CAMK2G: variants seen among roughly 807,000 people sequenced by gnomAD.
CAMK2G encodes the protein calcium/calmodulin dependent protein kinase II gamma, also known as calcium/calmodulin-dependent protein kinase type II subunit gamma.
Under a neutral mutation model 88.7 loss-of-function variants are expected in CAMK2G, and 23 were observed. The ratio of observed to expected loss-of-function variants is 0.26; its 90% CI spans 0.19 to 0.37. The LOEUF (loss-of-function observed/expected upper bound fraction) is 0.37, where lower values mean the gene tolerates loss of function less well. CAMK2G is among the 10% of genes least tolerant of loss of function. CAMK2G has a pLI of 1.00. For missense variants in CAMK2G, 476 were observed against 780.8 expected, an observed-to-expected ratio of 0.61 and a Z score of 4.65; for synonymous variants, 263 against 294.8, an observed-to-expected ratio of 0.89 and a Z score of 1.11.
chr10:73,814,997 G>T lies in CAMK2G; in HGVS notation c.*12+6C>A, dbSNP rs1174912163. On this transcript the variant is annotated splice_donor_region_variant and intron_variant, in intron 22 of 22. Transcript: ENST00000423381. The stretch of plus-strand genomic sequence containing the variant: ...CCAGCCCCTCTCCCCCGTCAACCAG[G>T]TGCACCTGTGGCTGAGCTCACTGCA... 2 of 1,586,324 alleles carry T rather than the reference G, an allele frequency of 1.3e-6. No homozygotes were observed. Among genetic ancestry groups the T allele is most frequent in the Non-Finnish European group, 1.7e-6 (2 of 1,157,020 alleles).
intron 21 of CAMK2G, chr10:73,815,811 T>C: frequency 3.0e-6 from 3 of 985,620 alleles, no homozygotes; most frequent in African/African-American, 1.7e-5. Context: ...GCTCAGGATA[T>C]TCCCAGGATT....
At chr10:73,825,694 G>T (rs183460528) in intron 15 of CAMK2G, among the ~76,000 whole-genome samples, 9 of 152,308 alleles carry the variant, frequency 5.9e-5, no homozygotes, top group Non-Finnish European at 8.8e-5. Flanking sequence ...AGGAAAAAGG[G>T]GGGTAGTTTA....
At chr10:73,838,816 A>G (rs1438546601) in intron 13 of CAMK2G, among the ~76,000 whole-genome samples, 4 of 152,204 alleles carry the variant, frequency 2.6e-5, no homozygotes, top group Non-Finnish European at 1.5e-5. Flanking sequence ...GCTTAAAAAA[A>G]GCGTACTACC....
At chr10:73,852,895 T>G in intron 4 of CAMK2G, 1 of 406,334 alleles carries the variant, frequency 2.5e-6, no homozygotes, top group South Asian at 4.3e-5. Context: ...CTGTCTTTTA[T>G]TTCTTCACTA....
chr10:73,833,602 T>C (rs945196184), intron 14 of CAMK2G, among the ~76,000 whole-genome samples: 10 of 149,728 alleles, frequency 6.7e-5, no homozygotes, highest in African/African-American at 2.4e-4. Context: ...CTATCTTCCT[T>C]TTTTTTTTTT....
intron 18 of CAMK2G, among the ~76,000 whole-genome samples, chr10:73,819,869 C>T (rs1337064729): frequency 6.6e-6 from 1 of 152,222 alleles, no homozygotes; most frequent in Non-Finnish European, 1.5e-5. Context: ...GGTGCCCAGA[C>T]CTGGGCTGTG....
chr10:73,853,266 G>T lies in CAMK2G; in HGVS notation c.221-20C>A. The T allele has an allele frequency of 1.9e-6, 3 of 1,610,044 alleles. No homozygotes were observed. Among genetic ancestry groups the T allele is most frequent in the Non-Finnish European group, 2.6e-6 (3 of 1,176,264 alleles). On this transcript the variant is annotated intron_variant, in intron 3 of 22. Transcript: ENST00000423381. ...GGCGCACTGCAAGAGAGGAGATGGGGACAGAGATTAACAGAGAGAAAACTT... is the reference window on the plus strand; with the variant it reads ...GGCGCACTGCAAGAGAGGAGATGGGTACAGAGATTAACAGAGAGAAAACTT...
chr10:73,847,488 T>C (rs1267693314), intron 9 of CAMK2G, 141 bp from the exon 10 acceptor site: 1 of 846,630 alleles, frequency 1.2e-6, no homozygotes, highest in Non-Finnish European at 1.9e-6. Context: ...GGAGAAGCCC[T>C]GCGGCTATTC....
intron 19 of CAMK2G, among the ~76,000 whole-genome samples, chr10:73,819,328 T>A (rs1377034249): frequency 6.6e-6 from 1 of 151,950 alleles, no homozygotes; most frequent in Non-Finnish European, 1.5e-5. Flanking sequence ...ACACTTCTCA[T>A]ATTTCTTTGG....
At position 73,834,560 on chromosome 10, in the gene CAMK2G, CCT is replaced by C. The variant is rs1251499892; in HGVS notation, c.1053+2906_1053+2907del. Among the ~76,000 whole-genome samples the C allele has an allele frequency of 1.2e-4, 18 of 152,336 alleles. No homozygotes were observed. In the East Asian group the frequency reaches 3.5e-3, roughly 29 times the overall value. On this transcript the variant is annotated intron_variant, in intron 14 of 22. Transcript: ENST00000423381. The stretch of plus-strand genomic sequence containing the variant: ...GCTGCACATTTCTCTTTTCCCCCTA[CCT>C]CTCTGTCCTTCCTCTGTTTCCTTTG...
intron 12 of CAMK2G, among the ~76,000 whole-genome samples, chr10:73,841,331 C>T (rs758432791): frequency 8.6e-5 from 13 of 152,036 alleles, no homozygotes; most frequent in Non-Finnish European, 1.5e-4. Context: ...GGGTCTTGAA[C>T]CAAAACAGTG....
At chr10:73,834,442 C>T (rs2134056026) in intron 14 of CAMK2G, among the ~76,000 whole-genome samples, 1 of 152,286 alleles carries the variant, frequency 6.6e-6, no homozygotes, top group Middle Eastern at 3.4e-3. Context: ...CATTGCAGGG[C>T]TAGGTTCCCC....
At chr10:73,845,520 T>G (rs2094168026) in intron 10 of CAMK2G, among the ~76,000 whole-genome samples, 1 of 150,390 alleles carries the variant, frequency 6.6e-6, no homozygotes, top group African/African-American at 2.5e-5. Flanking sequence ...AGGCAGAGCT[T>G]GCAGTGAGAC....
chr10:73,873,304 CCCCCT>C, intron 1 of CAMK2G: 1 of 1,327,510 alleles, frequency 7.5e-7, no homozygotes, highest in South Asian at 1.5e-5. Flanking sequence ...CGCGCTCCCA[CCCCCT>C]CATCCAGTCC....
In CAMK2G at chr10:73,814,268, T is replaced by C. The variant is rs941063746; in HGVS notation, c.*250A>G. 4 of 151,882 alleles carry C rather than the reference T, an allele frequency of 2.6e-5. No individual in the cohort carries two copies. The highest frequency in any genetic ancestry group is 9.7e-5 in the African/African-American group (4 of 41,374). 9.4% of individuals were successfully genotyped at this position (151,882 alleles called of 1,614,324 possible). On this transcript the variant is annotated 3_prime_UTR_variant, in exon 23 of 23. Transcript: ENST00000423381. ...GCATCATGGTATGGATTCCTTTTTTTTTTAAACAATCTTTTTTTCTTTTTT... is the reference window on the plus strand; with the variant it reads ...GCATCATGGTATGGATTCCTTTTTTCTTTAAACAATCTTTTTTTCTTTTTT...
intron 3 of CAMK2G, among the ~76,000 whole-genome samples, chr10:73,859,579 C>T (rs1377196452): frequency 6.6e-6 from 1 of 152,182 alleles, no homozygotes; most frequent in Non-Finnish European, 1.5e-5. Flanking sequence ...CAGAAACCAC[C>T]TAGGAGCTCC....
Position 73,853,259 on chromosome 10 carries a change from A to T in CAMK2G, c.221-13T>A. On this transcript the variant is annotated splice_polypyrimidine_tract_variant and intron_variant, in intron 3 of 22. Transcript: ENST00000423381. ...TCATGGAGGCGCACTGCAAGAGAGG[A>T]GATGGGGACAGAGATTAACAGAGAG... 6.2e-7 allele frequency: 1 copy of T among 1,611,704 alleles called. No individual in the cohort carries two copies. Among genetic ancestry groups the T allele is most frequent in the Non-Finnish European group, 8.5e-7 (1 of 1,177,766 alleles).
Position 73,848,769 on chromosome 10 carries a change from C to T in CAMK2G, c.518-160G>A, listed in dbSNP as rs935837424. ...AGCTGACAGGCTGGGCTTCTTGTAGCGCCTGGAATCTGAACCAGACGGCAA... is the reference window on the plus strand; with the variant it reads ...AGCTGACAGGCTGGGCTTCTTGTAGTGCCTGGAATCTGAACCAGACGGCAA... On this transcript the variant is annotated intron_variant, in intron 7 of 22. Coordinates refer to ENST00000423381, the MANE Select transcript of CAMK2G (RefSeq NM_001367534.1). The surrounding 1 kb of genome is among the most constrained non-coding windows in gnomAD (Gnocchi z 4.5). Among the ~76,000 whole-genome samples, 15 of 152,370 alleles carry T rather than the reference C, an allele frequency of 9.8e-5. No homozygotes were observed. Among genetic ancestry groups the T allele is most frequent in the South Asian group, 2.1e-4 (1 of 4,832 alleles).
At position 73,839,920 on chromosome 10, in the gene CAMK2G, C is replaced by G. The variant is rs1309979316; in HGVS notation, c.947-319G>C. ...GCCTGAGCCGGTGAGAGGCAGGTGC[C>G]CCTTCTGAGGTAGCCCGGCCCTAGC... On this transcript the variant is annotated intron_variant, in intron 12 of 22. Transcript: ENST00000423381. The surrounding 1 kb of genome is among the most constrained non-coding windows in gnomAD (Gnocchi z 4.2). Among the ~76,000 whole-genome samples the G allele has an allele frequency of 6.6e-6, 1 of 152,182 alleles. No homozygotes were observed. Among genetic ancestry groups the G allele is most frequent in the African/African-American group, 2.4e-5 (1 of 41,450 alleles).
Sources: gnomAD v4.1 joint callset for allele counts (sites outside exome capture counted in the v4.1 genomes callset) on GRCh38, gnomAD v4.1.1 for gene constraint, Gnocchi (gnomAD v3.1) non-coding constraint, MANE v1.5 for transcripts, NCBI Gene and HGNC (gene_info 2026-07-23, HGNC 2026-07-21) for gene names.